PTPRD: variants seen among roughly 807,000 people sequenced by gnomAD.
PTPRD encodes the protein protein tyrosine phosphatase receptor type D, also known as receptor-type tyrosine-protein phosphatase delta.
Under a neutral mutation model 214.5 loss-of-function variants are expected in PTPRD, and 34 were observed. The ratio of observed to expected loss-of-function variants is 0.16; its 90% confidence interval spans 0.12 to 0.21. The LOEUF (loss-of-function observed/expected upper bound fraction) is 0.21. PTPRD is among the 10% of genes least tolerant of loss of function. PTPRD has a pLI of 1.00. For missense variants in PTPRD, 2,545 were observed against 2,398.7 expected (o/e 1.06, Z -1.27); for synonymous variants, 1,128 against 845.7 (o/e 1.33, Z -5.79).
At chr9:9,823,463 G>C (rs1047127512) in intron 5 of PTPRD, among the ~76,000 whole-genome samples, 1 of 152,036 alleles carries the variant, frequency 6.6e-6, no homozygotes, top group Non-Finnish European at 1.5e-5. Context: ...CCCATCTCCA[G>C]CATTGGGGAT....
In PTPRD at chr9:10,049,408, AAAGAAAG is replaced by A. The variant is rs1383585282; in HGVS notation, c.-544-15625_-544-15619del. On this transcript the variant is annotated intron_variant, in intron 3 of 45. Transcript: ENST00000381196. Reference sequence around the variant, plus strand: ...AGCAGCTTCTCTGGTTAAAAAAAAAAAAGAAAGAAAGAAAGAAAGAAAGAAAGAAAAG... The same window carrying A: ...AGCAGCTTCTCTGGTTAAAAAAAAAAAAAGAAAGAAAGAAAGAAAGAAAAG... Among the ~76,000 whole-genome samples, 382 of 80,124 alleles carry A rather than the reference AAAGAAAG, an allele frequency of 4.8e-3. 4 individuals carry two copies. The highest frequency in any genetic ancestry group is 0.029 in the African/African-American group (358 of 12,478). 52.6% of individuals were successfully genotyped at this position (80,124 alleles called of 152,430 possible).
chr9:9,510,277 T>G (rs941838147), intron 8 of PTPRD, among the ~76,000 whole-genome samples: 1 of 151,634 alleles, frequency 6.6e-6, no homozygotes, highest in Admixed American at 6.6e-5. Flanking sequence ...CTACTTAGAA[T>G]AGTATCTCTT....
chr9:9,097,717 C>T (rs2099785649), intron 10 of PTPRD, among the ~76,000 whole-genome samples: 1 of 152,126 alleles, frequency 6.6e-6, no homozygotes, highest in Non-Finnish European at 1.5e-5. Flanking sequence ...TGCAAATCCT[C>T]TCTGAAGGAA....
chr9:9,279,844 A>G (rs963885501), intron 9 of PTPRD, among the ~76,000 whole-genome samples: 1 of 151,252 alleles, frequency 6.6e-6, no homozygotes, highest in African/African-American at 2.4e-5. Flanking sequence ...AACTATGGTC[A>G]TACTTATACA....
intron 2 of PTPRD, among the ~76,000 whole-genome samples, chr9:10,352,697 T>C (rs911043314): frequency 1.3e-5 from 2 of 152,090 alleles, no homozygotes; most frequent in African/African-American, 4.8e-5. Context: ...TATCTATTAC[T>C]ATTTGATTAT....
In PTPRD at chr9:8,315,901, C is replaced by G. The variant is rs1821419587; in HGVS notation, c.*1973G>C. The G allele has an allele frequency of 4.4e-6, 1 of 225,174 alleles. No homozygotes were observed. Among genetic ancestry groups the G allele is most frequent in the African/African-American group, 2.2e-5 (1 of 44,514 alleles). 13.9% of individuals were successfully genotyped at this position (225,174 alleles called of 1,614,324 possible). ...AAACTTATGCCATCATCCATGGCTTCCTATAGAAATTCTGTTGGAAGAATT... is the reference window on the plus strand; with the variant it reads ...AAACTTATGCCATCATCCATGGCTTGCTATAGAAATTCTGTTGGAAGAATT... On this transcript the variant is annotated 3_prime_UTR_variant, in exon 46 of 46. Transcript: ENST00000381196.
rs192555554 is a variant in PTPRD, at chr9:9,203,851, G to C, written c.-202-20488C>G. 1.6e-4 allele frequency among the ~76,000 whole-genome samples: 25 copies of C among 152,312 alleles called. No individual in the cohort carries two copies. In the East Asian group the frequency reaches 2.7e-3, roughly 16 times the overall value. On this transcript the variant is annotated intron_variant, in intron 9 of 45. Transcript: ENST00000381196. Reference sequence around the variant, plus strand: ...TTATGTAGAAAATGGCTATTTTAGAGATGTGTTATAGAAAAGCTAATTTGA... The same window carrying C: ...TTATGTAGAAAATGGCTATTTTAGACATGTGTTATAGAAAAGCTAATTTGA...
At chr9:10,273,196 A>C (rs1345659378) in intron 3 of PTPRD, among the ~76,000 whole-genome samples, 1 of 152,148 alleles carries the variant, frequency 6.6e-6, no homozygotes, top group East Asian at 1.9e-4. Flanking sequence ...TACACATGAG[A>C]GCTTGGAAAT....
At chr9:9,028,368 G>A (rs111298522) in intron 10 of PTPRD, among the ~76,000 whole-genome samples, 1 of 151,816 alleles carries the variant, frequency 6.6e-6, no homozygotes, top group Non-Finnish European at 1.5e-5. Context: ...ATTATAGCAG[G>A]TCACCTGACT....
chr9:9,782,081 G>A (rs1039383164), intron 5 of PTPRD, among the ~76,000 whole-genome samples: 3 of 152,020 alleles, frequency 2.0e-5, no homozygotes, highest in African/African-American at 4.8e-5. Context: ...GTGAGCCACC[G>A]CACCCGGCCT....
intron 11 of PTPRD, among the ~76,000 whole-genome samples, chr9:8,823,571 G>C (rs1476561594): frequency 1.3e-5 from 2 of 151,978 alleles, no homozygotes; most frequent in African/African-American, 4.8e-5. Flanking sequence ...AGATCACCTG[G>C]GCCAGGGAGG....
intron 6 of PTPRD, among the ~76,000 whole-genome samples, chr9:9,754,455 C>G (rs1282610151): frequency 6.6e-6 from 1 of 152,042 alleles, no homozygotes; most frequent in Non-Finnish European, 1.5e-5. Context: ...TACTTAACAG[C>G]TCAGTGATTC....
intron 3 of PTPRD, among the ~76,000 whole-genome samples, chr9:10,042,120 C>T (rs1567265937): frequency 2.0e-5 from 3 of 151,972 alleles, no homozygotes; most frequent in Non-Finnish European, 4.4e-5. Context: ...CTTTCGACTG[C>T]TTTTTTCCAG....
At chr9:10,153,109 T>C (rs2099071998) in intron 3 of PTPRD, among the ~76,000 whole-genome samples, 2 of 152,100 alleles carry the variant, frequency 1.3e-5, no homozygotes, top group Non-Finnish European at 2.9e-5. Flanking sequence ...ATGGAAACTA[T>C]AGTTAATAAT....
intron 14 of PTPRD, among the ~76,000 whole-genome samples, chr9:8,557,659 C>T (rs929053299): frequency 6.8e-6 from 1 of 146,502 alleles, no homozygotes; most frequent in Non-Finnish European, 1.5e-5. Flanking sequence ...AGGGGAATCG[C>T]TTGAACATGG....
chr9:9,384,540 C>T (rs1001755615), intron 9 of PTPRD, among the ~76,000 whole-genome samples: 1 of 151,082 alleles, frequency 6.6e-6, no homozygotes, highest in Non-Finnish European at 1.5e-5. Flanking sequence ...AAATATGTTC[C>T]TTTCATGGTC....
At chr9:10,069,824 T>A (rs1042024874) in intron 3 of PTPRD, among the ~76,000 whole-genome samples, 14 of 152,072 alleles carry the variant, frequency 9.2e-5, no homozygotes, top group African/African-American at 3.4e-4. Context: ...GACATGTTTC[T>A]GTATCTTGCT....
chr9:10,044,181 T>C (rs2097348391), intron 3 of PTPRD, among the ~76,000 whole-genome samples: 2 of 150,970 alleles, frequency 1.3e-5, no homozygotes, highest in Non-Finnish European at 3.0e-5. Flanking sequence ...ATATTCTCCC[T>C]ATAATTGTGT....
intron 5 of PTPRD, among the ~76,000 whole-genome samples, chr9:9,934,419 A>G (rs2088257623): frequency 7.3e-6 from 1 of 136,692 alleles, no homozygotes. Flanking sequence ...ACAGAAAGAC[A>G]AACTACCATC....
Sources: gnomAD v4.1 joint callset for allele counts (sites outside exome capture counted in the v4.1 genomes callset) on GRCh38, gnomAD v4.1.1 for gene constraint, MANE v1.5 for transcripts, NCBI Gene and HGNC (gene_info 2026-07-23, HGNC 2026-07-21) for gene names.